The following SGCZ variants were observed in gnomAD, a reference collection of about 807,000 sequenced individuals.
SGCZ encodes zeta-sarcoglycan.
A neutral mutation model predicts 41.3 loss-of-function variants in SGCZ; 40 were observed. That is an observed-to-expected ratio of 0.97 (90% CI 0.75 to 1.26). The LOEUF is 1.26. SGCZ is among the 50% of genes most tolerant of loss of function. SGCZ has a pLI of 0.00. For missense variants in SGCZ, 552 were observed against 369.8 expected (o/e 1.49, Z -4.04); for synonymous variants, 206 against 137.5 (o/e 1.50, Z -3.49).
At chr8:14,248,173 C>A (rs1299619881) in intron 3 of SGCZ, among the ~76,000 whole-genome samples, 1 of 152,026 alleles carries the variant, frequency 6.6e-6, no homozygotes, top group African/African-American at 2.4e-5. Flanking sequence ...TTTTTCAAAC[C>A]AAGCACTGTA....
chr8:14,813,072 A>T (rs1801782653), intron 1 of SGCZ, among the ~76,000 whole-genome samples: 1 of 152,210 alleles, frequency 6.6e-6, no homozygotes, highest in Non-Finnish European at 1.5e-5. Context: ...CAAAAATTTT[A>T]AAGTTTGAAA....
chr8:15,072,463 T>A (rs780206570), intron 1 of SGCZ, among the ~76,000 whole-genome samples: 1 of 152,186 alleles, frequency 6.6e-6, no homozygotes, highest in African/African-American at 2.4e-5. Flanking sequence ...GCATTTTTTC[T>A]ACAAACACGT....
intron 1 of SGCZ, among the ~76,000 whole-genome samples, chr8:14,839,525 GC>G (rs1766296755): frequency 1.3e-5 from 2 of 152,120 alleles, no homozygotes; most frequent in Non-Finnish European, 2.9e-5. Context: ...TATAACCAAA[GC>G]ACTAACATTT....
chr8:14,597,984 A>G (rs1805466756), intron 1 of SGCZ, among the ~76,000 whole-genome samples: 2 of 152,198 alleles, frequency 1.3e-5, no homozygotes, highest in Non-Finnish European at 2.9e-5. Flanking sequence ...GTTTTGAAAA[A>G]TACATATGAA....
intron 4 of SGCZ, among the ~76,000 whole-genome samples, chr8:14,219,683 G>T (rs1806124000): frequency 6.6e-6 from 1 of 152,006 alleles, no homozygotes. Flanking sequence ...GGAGCTGGAG[G>T]TTGCAGTGAG....
rs182744721 is a variant in SGCZ at position 14,823,600 on chromosome 8, A to G, written c.40-268674T>C. Among the ~76,000 whole-genome samples the G allele has an allele frequency of 1.9e-3, 297 of 152,320 alleles. 1 individual carries two copies. Among genetic ancestry groups the G allele is most frequent in the African/African-American group, 6.6e-3 (275 of 41,586 alleles). On this transcript the variant is annotated intron_variant, in intron 1 of 7. Transcript: ENST00000382080. ...AACCAATGTTAGAGAACTTGTAGAG[A>G]GAAGGGAATATTTACACACTGTTCT...
intron 2 of SGCZ, among the ~76,000 whole-genome samples, chr8:14,408,231 C>G (rs901299435): frequency 1.3e-5 from 2 of 152,120 alleles, no homozygotes; most frequent in South Asian, 2.1e-4. Flanking sequence ...CCAAAGGGAA[C>G]TGCTGTATTT....
intron 4 of SGCZ, among the ~76,000 whole-genome samples, chr8:14,205,465 G>GT (rs1160701197): frequency 1.3e-5 from 2 of 152,236 alleles, no homozygotes; most frequent in East Asian, 3.9e-4. Flanking sequence ...ACATGTTTCA[G>GT]TTTTTTTATT....
At chr8:14,449,814 T>G (rs1032552278) in intron 2 of SGCZ, among the ~76,000 whole-genome samples, 1 of 152,182 alleles carries the variant, frequency 6.6e-6, no homozygotes, top group Non-Finnish European at 1.5e-5. Flanking sequence ...ACAAAGTACC[T>G]GATGTAATGG....
intron 1 of SGCZ, among the ~76,000 whole-genome samples, chr8:14,940,091 A>G (rs895131412): frequency 6.6e-6 from 1 of 152,160 alleles, no homozygotes; most frequent in Non-Finnish European, 1.5e-5. Context: ...AAGTCACTGG[A>G]AAACATGTTC....
At chr8:14,775,208 A>G (rs1800365251) in intron 1 of SGCZ, among the ~76,000 whole-genome samples, 1 of 152,158 alleles carries the variant, frequency 6.6e-6, no homozygotes, top group Non-Finnish European at 1.5e-5. Flanking sequence ...AATAATACAA[A>G]TTCTGATTGA....
At chr8:14,442,549 A>T (rs530504566) in intron 2 of SGCZ, among the ~76,000 whole-genome samples, 1 of 152,208 alleles carries the variant, frequency 6.6e-6, no homozygotes, top group African/African-American at 2.4e-5. Flanking sequence ...CTGACACTAA[A>T]ATAAAATTAA....
intron 3 of SGCZ, among the ~76,000 whole-genome samples, chr8:14,240,810 T>G (rs577766051): frequency 5.9e-5 from 9 of 152,334 alleles, no homozygotes; most frequent in Non-Finnish European, 1.0e-4. Context: ...TTAGACCCAT[T>G]GCTCATGCAT....
At chr8:14,744,452 G>A (rs1399150157) in intron 1 of SGCZ, among the ~76,000 whole-genome samples, 1 of 151,992 alleles carries the variant, frequency 6.6e-6, no homozygotes, top group Non-Finnish European at 1.5e-5. Flanking sequence ...GATGTCATTT[G>A]GAGAAATGCA....
At chr8:14,381,599 A>G (rs920447351) in intron 2 of SGCZ, among the ~76,000 whole-genome samples, 12 of 149,888 alleles carry the variant, frequency 8.0e-5, no homozygotes, top group Non-Finnish European at 1.5e-4. Flanking sequence ...ACATGATGAA[A>G]CCCCGGTTCT....
chr8:14,410,579 G>T (rs558889824), intron 2 of SGCZ, among the ~76,000 whole-genome samples: 38 of 151,992 alleles, frequency 2.5e-4, no homozygotes, highest in Admixed American at 4.6e-4. Context: ...TGGACACAGG[G>T]AGGGGAACAT....
At chr8:14,205,376 A>G (rs923411416) in intron 4 of SGCZ, among the ~76,000 whole-genome samples, 2 of 152,194 alleles carry the variant, frequency 1.3e-5, no homozygotes, top group African/African-American at 4.8e-5. Context: ...GCAATCTGCT[A>G]AAATGTTTTT....
At chr8:14,860,812 A>G (rs1803722561) in intron 1 of SGCZ, among the ~76,000 whole-genome samples, 2 of 152,178 alleles carry the variant, frequency 1.3e-5, no homozygotes, top group African/African-American at 2.4e-5. Context: ...GCTGTGACCA[A>G]CATAGTTGCA....
intron 1 of SGCZ, among the ~76,000 whole-genome samples, chr8:14,710,759 A>T (rs937168893): frequency 1.3e-5 from 2 of 152,194 alleles, no homozygotes; most frequent in South Asian, 2.1e-4. Context: ...AATTGTAACT[A>T]ATTCTTACCT....
Sources: allele counts gnomAD v4.1 joint callset (sites outside exome capture counted in the v4.1 genomes callset), GRCh38; gene constraint gnomAD v4.1.1; transcripts MANE v1.5; gene names NCBI Gene and HGNC (gene_info 2026-07-23, HGNC 2026-07-21).